The following LNPK variants were observed in gnomAD, a reference collection of about 807,000 sequenced individuals.
LNPK encodes endoplasmic reticulum junction formation protein lunapark.
LNPK carries 29 observed loss-of-function variants against 55.2 expected under a neutral mutation model. The ratio of observed to expected loss-of-function variants is 0.53; its 90% CI spans 0.39 to 0.72. The LOEUF is 0.72. LNPK is among the 30% of genes least tolerant of loss of function. The pLI is 0.00. For missense variants in LNPK, 467 were observed against 494.8 expected (o/e 0.94, Z 0.53); for synonymous variants, 162 against 168.2 (o/e 0.96, Z 0.29).
chr2:175,969,590 G>A lies in LNPK; in HGVS notation c.357+1174C>T, dbSNP rs1574866092. ...TATTTCTCCATTTTGGTATAAGCAGGACTTGTCTCTGATCACCAGTACCAG... is the reference window on the plus strand; with the variant it reads ...TATTTCTCCATTTTGGTATAAGCAGAACTTGTCTCTGATCACCAGTACCAG... On this transcript the variant is annotated intron_variant, in intron 6 of 12. Coordinates refer to ENST00000272748, the MANE Select transcript of LNPK (RefSeq NM_030650.3). Among the ~76,000 whole-genome samples, 4 of 152,182 alleles carry A rather than the reference G, an allele frequency of 2.6e-5. No homozygotes were observed. In the East Asian group the frequency reaches 7.7e-4, roughly 29 times the overall value.
In LNPK at chr2:175,928,507, TCC is replaced by T. The variant is rs1341471415; in HGVS notation, c.*1458_*1459del. ...GTCCCAGACTGTTAACAGATTGAGT[TCC>T]AAAAAAAAAAAAAAAAAAAAACTGT... On this transcript the variant is annotated 3_prime_UTR_variant, in exon 13 of 13. Transcript: ENST00000272748. 2 of 68,576 alleles carry T rather than the reference TCC, an allele frequency of 2.9e-5. No individual in the cohort carries two copies. Among genetic ancestry groups the T allele is most frequent in the Non-Finnish European group, 5.9e-5 (2 of 34,088 alleles). 4.2% of individuals were successfully genotyped at this position (68,576 alleles called of 1,614,324 possible).
At chr2:175,958,278 T>C (rs1465225593) in intron 8 of LNPK, among the ~76,000 whole-genome samples, 3 of 152,210 alleles carry the variant, frequency 2.0e-5, no homozygotes, top group Non-Finnish European at 1.5e-5. Context: ...CCCTGACCAC[T>C]GTGTAGCCTA....
At chr2:175,982,202 G>GA (rs61330809) in intron 4 of LNPK, among the ~76,000 whole-genome samples, 79,267 of 151,888 alleles carry the variant, frequency 0.52, 21,339 homozygotes, top group African/African-American at 0.64. Flanking sequence ...CAGGCTGGAA[G>GA]GAGGACTTTT....
At chr2:175,937,008 A>G (rs906573421) in intron 12 of LNPK, among the ~76,000 whole-genome samples, 2 of 152,188 alleles carry the variant, frequency 1.3e-5, no homozygotes, top group South Asian at 2.1e-4. Flanking sequence ...CAGTTGTTTC[A>G]TAATTCCAAT....
intron 4 of LNPK, among the ~76,000 whole-genome samples, chr2:175,982,635 T>A (rs1687226417): frequency 6.6e-6 from 1 of 152,182 alleles, no homozygotes; most frequent in Non-Finnish European, 1.5e-5. Context: ...CCTCAAGTGA[T>A]TCTCCTGCCT....
At chr2:175,942,425 G>GA (rs1233172432) in intron 9 of LNPK, among the ~76,000 whole-genome samples, 2 of 151,940 alleles carry the variant, frequency 1.3e-5, no homozygotes, top group Non-Finnish European at 2.9e-5. Context: ...ACCAATACAT[G>GA]GCATTCTCAG....
At chr2:175,978,122 G>A (rs115971002) in intron 5 of LNPK, among the ~76,000 whole-genome samples, 28 of 151,562 alleles carry the variant, frequency 1.8e-4, no homozygotes, top group African/African-American at 6.5e-4. Context: ...CAGCACTCAT[G>A]GAATTAAATC....
At chr2:176,002,397 C>A, upstream of LNPK, 1 of 352,160 alleles carries the variant, frequency 2.8e-6, no homozygotes, top group South Asian at 2.1e-5. Context: ...GCGGGTCGGC[C>A]GGGAGGTTAG....
intron 9 of LNPK, among the ~76,000 whole-genome samples, chr2:175,946,827 T>C (rs1685147502): frequency 6.6e-6 from 1 of 152,162 alleles, no homozygotes; most frequent in African/African-American, 2.4e-5. Context: ...AGCAGTGGAC[T>C]TCCATGCCCC....
At chr2:175,967,086 C>A (rs188581967) in intron 6 of LNPK, among the ~76,000 whole-genome samples, 102 of 152,290 alleles carry the variant, frequency 6.7e-4, no homozygotes, top group Middle Eastern at 3.4e-3. Flanking sequence ...AGCCACCAGC[C>A]ACATGTGGCC....
intron 8 of LNPK, among the ~76,000 whole-genome samples, chr2:175,949,857 C>A (rs1460209406): frequency 6.6e-6 from 1 of 152,044 alleles, no homozygotes; most frequent in Non-Finnish European, 1.5e-5. Context: ...GGTACCAAAT[C>A]TGTATTTGTC....
chr2:175,950,297 G>A (rs1460957021), intron 8 of LNPK, among the ~76,000 whole-genome samples: 1 of 151,968 alleles, frequency 6.6e-6, no homozygotes, highest in Non-Finnish European at 1.5e-5. Context: ...GTTGGTTAGT[G>A]GGTACAAAAA....
At chr2:175,949,201 T>C (rs1275877592) in intron 8 of LNPK, among the ~76,000 whole-genome samples, 1 of 152,132 alleles carries the variant, frequency 6.6e-6, no homozygotes. Context: ...GAACCATCTT[T>C]ATATTTTGCT....
At chr2:175,965,801 GA>G (rs35557283) in intron 6 of LNPK, among the ~76,000 whole-genome samples, 123,434 of 149,998 alleles carry the variant, frequency 0.82, 51,158 homozygotes, top group African/African-American at 0.94. Flanking sequence ...TTTAGAGTTA[GA>G]AAAAAAAAAA....
At chr2:175,933,071 A>G (rs762691020) in intron 12 of LNPK, among the ~76,000 whole-genome samples, 1 of 152,062 alleles carries the variant, frequency 6.6e-6, no homozygotes, top group Non-Finnish European at 1.5e-5. Context: ...ACAATATACC[A>G]CAATGCCATA....
In LNPK at chr2:175,925,499, A is replaced by AG. The variant is rs1382285640; in HGVS notation, c.*4467dup. On this transcript the variant is annotated 3_prime_UTR_variant, in exon 13 of 13. Transcript: ENST00000272748. ...GTTACTTTTAAAATGTGTGTGTGGCAGGGGGAGGTGGCAGTGGCTGTAGTT... is the reference window on the plus strand; with the variant it reads ...GTTACTTTTAAAATGTGTGTGTGGCAGGGGGGAGGTGGCAGTGGCTGTAGTT... 5 of 152,234 alleles carry AG rather than the reference A, an allele frequency of 3.3e-5. No individual in the cohort carries two copies. Among genetic ancestry groups the AG allele is most frequent in the African/African-American group, 9.7e-5 (4 of 41,430 alleles). 9.4% of individuals were successfully genotyped at this position (152,234 alleles called of 1,614,324 possible).
At chr2:175,938,429 A>ACC in intron 10 of LNPK, 46 bp from the exon 11 acceptor site, 1 of 1,113,792 alleles carries the variant, frequency 9.0e-7, no homozygotes, top group Non-Finnish European at 1.3e-6. Flanking sequence ...AATGCAAACA[A>ACC]AGCTCATGAC....
intron 8 of LNPK, among the ~76,000 whole-genome samples, chr2:175,952,928 T>C (rs935109504): frequency 2.0e-5 from 3 of 152,136 alleles, no homozygotes; most frequent in Non-Finnish European, 4.4e-5. Context: ...ACTAATTTCA[T>C]CTACTATTTA....
intron 6 of LNPK, among the ~76,000 whole-genome samples, chr2:175,969,121 A>G (rs1686525837): frequency 6.6e-6 from 1 of 152,240 alleles, no homozygotes. Flanking sequence ...AGTAGCAAAC[A>G]GTATTATAAC....
Sources: allele counts gnomAD v4.1 joint callset (sites outside exome capture counted in the v4.1 genomes callset), GRCh38; gene constraint gnomAD v4.1.1; transcripts MANE v1.5; gene names NCBI Gene and HGNC (gene_info 2026-07-23, HGNC 2026-07-21).